The following KALRN variants were observed in gnomAD, a reference collection of about 807,000 sequenced individuals.
The protein encoded by KALRN is kalirin RhoGEF kinase.
Under a neutral mutation model 353.7 loss-of-function variants are expected in KALRN, and 70 were observed. The observed-to-expected ratio is 0.20, with a 90% confidence interval of 0.16 to 0.24. The LOEUF (loss-of-function observed/expected upper bound fraction) is 0.24. Ranked by LOEUF, KALRN falls within the 10% of genes least tolerant of loss-of-function variation. KALRN has a pLI of 1.00. For synonymous variants in KALRN, 1,391 were observed against 1,434.8 expected, an observed-to-expected ratio of 0.97 and a Z score of 0.69; for missense variants, 2,791 against 3,756.7, an observed-to-expected ratio of 0.74 and a Z score of 6.72.
intron 33 of KALRN, among the ~76,000 whole-genome samples, chr3:124,562,156 G>A (rs960464208): frequency 8.5e-5 from 13 of 152,218 alleles, no homozygotes; most frequent in African/African-American, 2.7e-4. Flanking sequence ...CCCAGTGCCT[G>A]AGCCTTTGAG....
At chr3:124,702,716 G>A (rs944523866) in intron 57 of KALRN, among the ~76,000 whole-genome samples, 1 of 152,002 alleles carries the variant, frequency 6.6e-6, no homozygotes, top group Non-Finnish European at 1.5e-5. Context: ...TATATTGCCC[G>A]TGTACCAAGC....
intron 1 of KALRN, among the ~76,000 whole-genome samples, chr3:124,203,188 G>A (rs1340471528): frequency 6.6e-6 from 1 of 152,192 alleles, no homozygotes; most frequent in African/African-American, 2.4e-5. Flanking sequence ...ACTCAGTGCA[G>A]CAGTTTGGGG....
intron 55 of KALRN, among the ~76,000 whole-genome samples, chr3:124,699,472 A>C (rs1220080149): frequency 1.3e-5 from 2 of 152,250 alleles, no homozygotes; most frequent in Admixed American, 6.5e-5. Flanking sequence ...CGTAGTGTTC[A>C]ATACATGTTA....
chr3:124,631,788 G>T (rs2080814443), intron 34 of KALRN, among the ~76,000 whole-genome samples: 1 of 152,212 alleles, frequency 6.6e-6, no homozygotes, highest in African/African-American at 2.4e-5. Context: ...AAAGCCAGAG[G>T]CATAGCACTG....
intron 13 of KALRN, among the ~76,000 whole-genome samples, chr3:124,408,624 T>A (rs1018954135): frequency 6.6e-6 from 1 of 152,082 alleles, no homozygotes; most frequent in African/African-American, 2.4e-5. Context: ...GTTGCCAACA[T>A]CTAAACACTG....
At chr3:124,298,983 A>G (rs1369742147) in intron 6 of KALRN, 70 bp downstream of exon 6, 1 of 1,588,346 alleles carries the variant, frequency 6.3e-7, no homozygotes, top group East Asian at 2.2e-5. Flanking sequence ...GAGGAGGGAC[A>G]GAAACAGACT....
Position 124,264,770 on chromosome 3 carries a change from A to G in KALRN, c.456+80A>G, listed in dbSNP as rs1033529061. On this transcript the variant is annotated intron_variant, in intron 4 of 59. Transcript: ENST00000682506. ...ACACATTTCTCACGTCCTCTTCTCT[A>G]TCTACCATACAGTATGTGACACCTC... 1.4e-5 allele frequency: 18 copies of G among 1,247,970 alleles called. No homozygotes were observed. In the South Asian group the frequency reaches 2.0e-4, roughly 14 times the overall value. 77.3% of individuals were successfully genotyped at this position (1,247,970 alleles called of 1,614,324 possible).
chr3:124,493,406 G>A (rs1424022641), intron 32 of KALRN, among the ~76,000 whole-genome samples: 2 of 152,166 alleles, frequency 1.3e-5, no homozygotes, highest in Admixed American at 1.3e-4. Flanking sequence ...TCATTGGGCA[G>A]AAGAGGACTT....
intron 5 of KALRN, among the ~76,000 whole-genome samples, chr3:124,275,547 T>C (rs1390150524): frequency 1.3e-5 from 2 of 152,312 alleles, no homozygotes; most frequent in Admixed American, 6.5e-5. Flanking sequence ...AGGGTTGTTA[T>C]GAGAATTGAG....
chr3:124,186,741 A>G (rs757079089), intron 1 of KALRN, among the ~76,000 whole-genome samples: 5 of 152,198 alleles, frequency 3.3e-5, no homozygotes, highest in Non-Finnish European at 7.3e-5. Flanking sequence ...CTAGGGAATC[A>G]TTCCTTTCAG....
chr3:124,390,131 C>T lies in KALRN; in HGVS notation c.1963-5004C>T, dbSNP rs72978457. The stretch of plus-strand genomic sequence containing the variant: ...AGCAAGTTTGGGAGAAGCATTGACC[C>T]GAGTCCTCATTCTTTTTGTCCAGGA... On this transcript the variant is annotated intron_variant, in intron 11 of 59. Transcript: ENST00000682506. Among the ~76,000 whole-genome samples the T allele has an allele frequency of 5.2e-3, 790 of 152,260 alleles. 7 individuals carry two copies. Among genetic ancestry groups the T allele is most frequent in the African/African-American group, 0.019 (771 of 41,552 alleles).
chr3:124,583,895 C>T (rs1357954700), intron 34 of KALRN, among the ~76,000 whole-genome samples: 1 of 152,082 alleles, frequency 6.6e-6, no homozygotes, highest in Non-Finnish European at 1.5e-5. Context: ...TGTGGTGGCT[C>T]ACATCTCTAA....
chr3:124,171,824 A>C (rs1334968827), intron 1 of KALRN, among the ~76,000 whole-genome samples: 1 of 152,212 alleles, frequency 6.6e-6, no homozygotes, highest in Non-Finnish European at 1.5e-5. Context: ...TAATAACTGC[A>C]AGCAGTTGCC....
At chr3:124,107,518 C>T (rs1206583703) in intron 1 of KALRN, among the ~76,000 whole-genome samples, 1 of 152,176 alleles carries the variant, frequency 6.6e-6, no homozygotes, top group Non-Finnish European at 1.5e-5. Flanking sequence ...ACCAACCTGG[C>T]CCCCTAGAGC....
At chr3:124,470,083 C>G (rs1431796631) in intron 25 of KALRN, among the ~76,000 whole-genome samples, 1 of 152,176 alleles carries the variant, frequency 6.6e-6, no homozygotes, top group African/African-American at 2.4e-5. Context: ...CATAAAGTAA[C>G]TGCATAATAT....
intron 1 of KALRN, among the ~76,000 whole-genome samples, chr3:124,052,998 C>A (rs1270698389): frequency 6.6e-6 from 1 of 151,940 alleles, no homozygotes. Context: ...CATGTGAGGT[C>A]TTGGATTTTC....
intron 1 of KALRN, among the ~76,000 whole-genome samples, chr3:124,190,364 C>G (rs2074771402): frequency 6.6e-6 from 1 of 152,170 alleles, no homozygotes; most frequent in Non-Finnish European, 1.5e-5. Context: ...CTACCTTCCC[C>G]CTTCCCACCA....
At chr3:124,398,629 C>G in intron 12 of KALRN, 68 bp from the exon 13 acceptor site, 1 of 1,502,564 alleles carries the variant, frequency 6.7e-7, no homozygotes, top group Non-Finnish European at 9.3e-7. Context: ...GGAAGATCCC[C>G]CTCCTCCTCT....
chr3:124,484,249 C>T (rs1395631408), intron 28 of KALRN, among the ~76,000 whole-genome samples: 3 of 152,198 alleles, frequency 2.0e-5, no homozygotes, highest in East Asian at 1.9e-4. Context: ...CTATGAGAGG[C>T]GTGAGGGCAG....
Sources: allele counts gnomAD v4.1 joint callset (sites outside exome capture counted in the v4.1 genomes callset), GRCh38; gene constraint gnomAD v4.1.1; transcripts MANE v1.5; gene names NCBI Gene and HGNC (gene_info 2026-07-23, HGNC 2026-07-21).